Variants in KCNMB4 observed in about 807,000 individuals in gnomAD.
The protein encoded by KCNMB4 is calcium-activated potassium channel subunit beta-4.
Under a neutral mutation model 20.7 loss-of-function variants are expected in KCNMB4, and 3 were observed. The observed-to-expected ratio is 0.14, with a 90% confidence interval of 0.07 to 0.37. The LOEUF (loss-of-function observed/expected upper bound fraction) is 0.37, where lower values mean the gene tolerates loss of function less well. Ranked by LOEUF, KCNMB4 falls within the 10% of genes least tolerant of loss-of-function variation. The pLI is 1.00. For missense variants in KCNMB4, 168 were observed against 265.9 expected, an observed-to-expected ratio of 0.63 and a Z score of 2.56; for synonymous variants, 110 against 113.4, an observed-to-expected ratio of 0.97 and a Z score of 0.19.
chr12:70,421,807 C>T (rs1869069385), intron 2 of KCNMB4, among the ~76,000 whole-genome samples: 1 of 151,672 alleles, frequency 6.6e-6, no homozygotes, highest in Non-Finnish European at 1.5e-5. Flanking sequence ...GGTCTTGACC[C>T]CCTGACCTCT....
chr12:70,429,011 G>A (rs1052596204), intron 2 of KCNMB4, among the ~76,000 whole-genome samples: 5 of 152,066 alleles, frequency 3.3e-5, no homozygotes, highest in Non-Finnish European at 5.9e-5. Flanking sequence ...GTGCATCAAA[G>A]GAAAAAATGC....
chr12:70,386,660 G>A (rs1868260181), intron 1 of KCNMB4, among the ~76,000 whole-genome samples: 1 of 150,950 alleles, frequency 6.6e-6, no homozygotes, highest in Non-Finnish European at 1.5e-5. Flanking sequence ...AGGTTCTTTG[G>A]AATACCATAA....
intron 1 of KCNMB4, among the ~76,000 whole-genome samples, chr12:70,391,444 A>C (rs787941): frequency 0.22 from 32,892 of 151,882 alleles, 6,542 homozygotes; most frequent in African/African-American, 0.54. Context: ...CTATGACTAA[A>C]GACATATACC....
At chr12:70,386,026 A>G (rs1193177061) in intron 1 of KCNMB4, among the ~76,000 whole-genome samples, 1 of 152,208 alleles carries the variant, frequency 6.6e-6, no homozygotes, top group Non-Finnish European at 1.5e-5. Context: ...CATTGAAACA[A>G]AAACCTATAA....
chr12:70,410,779 T>G (rs1186435423), intron 2 of KCNMB4, among the ~76,000 whole-genome samples: 2 of 152,178 alleles, frequency 1.3e-5, no homozygotes, highest in Non-Finnish European at 2.9e-5. Context: ...ATGAGGGTTT[T>G]ATGAATGAGT....
rs536001648 is a variant in KCNMB4 at position 70,398,819 on chromosome 12, G to C, written c.337-1390G>C. Among the ~76,000 whole-genome samples the C allele has an allele frequency of 3.9e-5, 6 of 152,302 alleles. No individual in the cohort carries two copies. The East Asian group carries it at 1.2e-3, about 29-fold the overall frequency. Reference sequence around the variant, plus strand: ...CTCACCTCGCCAGCAAATTGGGAAGGCTGACATAAAACAGGCAAGTATGAT... The same window carrying C: ...CTCACCTCGCCAGCAAATTGGGAAGCCTGACATAAAACAGGCAAGTATGAT... On this transcript the variant is annotated intron_variant, in intron 1 of 2. Transcript: ENST00000258111.
intron 2 of KCNMB4, among the ~76,000 whole-genome samples, chr12:70,410,066 T>C (rs1000880923): frequency 2.0e-5 from 3 of 152,230 alleles, no homozygotes; most frequent in Non-Finnish European, 4.4e-5. Context: ...TCTCCTCACC[T>C]GGGGACACCT....
intron 1 of KCNMB4, among the ~76,000 whole-genome samples, chr12:70,396,046 A>T (rs1021492878): frequency 2.0e-5 from 3 of 152,192 alleles, no homozygotes; most frequent in Non-Finnish European, 1.5e-5. Flanking sequence ...CTGAGGATGT[A>T]CCAGGAAGAC....
At chr12:70,367,102 CG>C in intron 1 of KCNMB4, 32 bp downstream of exon 1, 2 of 1,468,950 alleles carry the variant, frequency 1.4e-6, no homozygotes, top group Non-Finnish European at 1.8e-6. Context: ...AGGGGCTCCC[CG>C]CGAGGGAGGT....
intron 2 of KCNMB4, among the ~76,000 whole-genome samples, chr12:70,410,709 G>A (rs1254005886): frequency 6.6e-6 from 1 of 152,102 alleles, no homozygotes; most frequent in Non-Finnish European, 1.5e-5. Context: ...AACTAAGTTA[G>A]AAACAAAGTT....
intron 1 of KCNMB4, among the ~76,000 whole-genome samples, chr12:70,382,432 CAAAAAAA>C (rs397796979): frequency 3.4e-5 from 3 of 87,980 alleles, no homozygotes; most frequent in African/African-American, 1.3e-4. Context: ...GACTCCGTCT[CAAAAAAA>C]AAAAAAAAAA....
intron 2 of KCNMB4, chr12:70,422,804 A>G (rs1418570243): frequency 7.9e-7 from 1 of 1,258,642 alleles, no homozygotes; most frequent in Non-Finnish European, 1.0e-6. Context: ...TTTAAGAATC[A>G]CATTGGGAAA....
intron 2 of KCNMB4, among the ~76,000 whole-genome samples, chr12:70,406,109 A>G (rs1325375018): frequency 6.6e-6 from 1 of 151,668 alleles, no homozygotes; most frequent in East Asian, 1.9e-4. Context: ...GAATGGTGGT[A>G]GTTATCAGGG....
intron 1 of KCNMB4, among the ~76,000 whole-genome samples, chr12:70,376,891 A>C (rs1883697355): frequency 6.6e-6 from 1 of 151,650 alleles, no homozygotes; most frequent in African/African-American, 2.4e-5. Context: ...AAAAGAAAAA[A>C]GAATGTAATT....
intron 1 of KCNMB4, among the ~76,000 whole-genome samples, chr12:70,391,597 C>T (rs1029245695): frequency 1.3e-5 from 2 of 152,156 alleles, no homozygotes; most frequent in African/African-American, 4.8e-5. Flanking sequence ...TGAGCCACTG[C>T]GCCTGGCCTA....
At chr12:70,383,024 T>G (rs891629387) in intron 1 of KCNMB4, among the ~76,000 whole-genome samples, 5 of 152,188 alleles carry the variant, frequency 3.3e-5, no homozygotes, top group Non-Finnish European at 7.3e-5. Context: ...TGTAGCAGAA[T>G]GGTAAGTTTT....
At position 70,384,533 on chromosome 12, in the gene KCNMB4, C is replaced by G. The variant is rs573629017; in HGVS notation, c.337-15676C>G. Among the ~76,000 whole-genome samples, 80 of 152,346 alleles carry G rather than the reference C, an allele frequency of 5.3e-4. 1 individual carries two copies. Among genetic ancestry groups the G allele is most frequent in the Admixed American group, 5.0e-3 (77 of 15,300 alleles). ...CGTTGGGGAAACACCTCGGGATTCA[C>G]TAACAGAGTCTAGGACAGAGCTGGG... On this transcript the variant is annotated intron_variant, in intron 1 of 2. Coordinates refer to ENST00000258111, the MANE Select transcript of KCNMB4 (RefSeq NM_014505.6).
At position 70,367,043 on chromosome 12, in the gene KCNMB4, C is replaced by T; in HGVS notation, c.309C>T (p.Asp103=). 6.4e-7 allele frequency: 1 copy of T among 1,551,902 alleles called. No homozygotes were observed. The highest frequency in any genetic ancestry group is 8.7e-7 in the Non-Finnish European group (1 of 1,142,984). ...ESNSRALLHS[D]EHQLLTNPKC... is the part of the protein sequence containing the mutation. The stretch of plus-strand genomic sequence containing the variant: ...ACTCTAGGGCGCTGCTGCACAGCGA[C>T]GAGCACCAGCTCCTGACCAACCCCA... The change falls in exon 1 of 3, where the codon GAC becomes GAT. Residue 103 remains aspartate (D), a synonymous_variant. Coordinates refer to ENST00000258111, the MANE Select transcript of KCNMB4 (RefSeq NM_014505.6).
At chr12:70,385,555 C>G (rs957334428) in intron 1 of KCNMB4, among the ~76,000 whole-genome samples, 20 of 152,068 alleles carry the variant, frequency 1.3e-4, no homozygotes, top group African/African-American at 4.8e-4. Flanking sequence ...TTCAAAATTC[C>G]CATTGAAGAT....
Sources: gnomAD v4.1 joint callset for allele counts (sites outside exome capture counted in the v4.1 genomes callset) on GRCh38, gnomAD v4.1.1 for gene constraint, MANE v1.5 for transcripts, NCBI Gene and HGNC (gene_info 2026-07-23, HGNC 2026-07-21) for gene names.